NSMAF: variants seen among roughly 807,000 people sequenced by gnomAD.
The protein encoded by NSMAF is neutral sphingomyelinase activation associated factor.
In NSMAF, 90 loss-of-function variants were observed where a neutral mutation model predicts 134.9. The observed-to-expected ratio is 0.67, with a 90% CI of 0.56 to 0.79. NSMAF has a LOEUF of 0.79. Ranked by LOEUF, NSMAF falls within the 30% of genes least tolerant of loss-of-function variation. The pLI is 0.00. For missense variants in NSMAF, 1,010 were observed against 1,119.0 expected (o/e 0.90, Z 1.39); for synonymous variants, 358 against 389.6 (o/e 0.92, Z 0.96).
In NSMAF at chr8:58,587,581, A is replaced by G. The variant is rs1347467076; in HGVS notation, c.2295+37T>C. On this transcript the variant is annotated intron_variant, in intron 27 of 30. Coordinates refer to ENST00000038176, the MANE Select transcript of NSMAF (RefSeq NM_003580.4). ...TTCCAGCCGAACCCCTAGACTTTTA[A>G]GGTCAGTTTTCTGTACAGTTTGTTG... is the stretch of plus-strand genomic sequence containing the variant. 6 of 1,581,674 alleles carry G rather than the reference A, an allele frequency of 3.8e-6. No individual in the cohort carries two copies. In the Admixed American group the frequency reaches 1.0e-4, roughly 27 times the overall value.
Position 58,659,602 on chromosome 8 carries a change from C to A in NSMAF, c.30G>T (p.Glu10Asp). The A allele has an allele frequency of 6.7e-7, 1 of 1,497,130 alleles. No individual in the cohort carries two copies. The highest frequency in any genetic ancestry group is 8.9e-7 in the Non-Finnish European group (1 of 1,126,380). 92.7% of individuals were successfully genotyped at this position (1,497,130 alleles called of 1,614,324 possible). MAFIRKKQQ[E>D]QQLQLYSKER... is the part of the protein sequence containing the mutation. The stretch of plus-strand genomic sequence containing the variant: ...CCTTGGAGTAGAGCTGCAGCTGCTG[C>A]TCCTGCTGCTTCTTCCGGATAAACG... The change falls in exon 1 of 31, where the codon GAG (glutamate) becomes GAT (aspartate). Residue 10 changes from glutamate (E) to aspartate (D), a missense_variant. Transcript: ENST00000038176.
intron 6 of NSMAF, among the ~76,000 whole-genome samples, chr8:58,629,287 G>C (rs186855295): frequency 5.3e-5 from 8 of 152,170 alleles, no homozygotes; most frequent in Non-Finnish European, 1.2e-4. Flanking sequence ...CCAGTTTGCT[G>C]ATTTTTTCTT....
rs1451922975 is a variant in NSMAF at position 58,609,606 on chromosome 8, G to T, written c.685C>A (p.Pro229Thr). Residue 229 changes from proline (P) to threonine (T), a missense_variant and splice_region_variant, in exon 10 of 31, where the codon CCG becomes ACG. Physicochemically the swap from Pro to Thr is conservative, Grantham distance 38 (BLOSUM62 -1). Transcript: ENST00000038176. ...NLYFQPLNGY[P>T]KPVVQITLQD... ...ACCTGACCCTGTGGTCTACACACCG[G>T]GTAGCCGTTGAGGGGCTGAAAATAC... 2 of 1,613,970 alleles carry T rather than the reference G, an allele frequency of 1.2e-6. No homozygotes were observed. The highest frequency in any genetic ancestry group is 2.7e-5 in the African/African-American group (2 of 74,930).
chr8:58,656,088 G>A (rs1409834165), intron 1 of NSMAF, among the ~76,000 whole-genome samples: 1 of 151,572 alleles, frequency 6.6e-6, no homozygotes, highest in Non-Finnish European at 1.5e-5. Context: ...GCACCATCTC[G>A]GCTCACTACA....
intron 1 of NSMAF, among the ~76,000 whole-genome samples, chr8:58,647,437 C>G (rs920070949): frequency 3.3e-5 from 5 of 152,234 alleles, no homozygotes; most frequent in Non-Finnish European, 7.3e-5. Flanking sequence ...CAGTAATACA[C>G]TGGACAGTGA....
chr8:58,609,080 A>G (rs1352954654), intron 10 of NSMAF, among the ~76,000 whole-genome samples: 1 of 152,200 alleles, frequency 6.6e-6, no homozygotes, highest in African/African-American at 2.4e-5. Flanking sequence ...GCAGGAGCCC[A>G]TAACTGCCAG....
intron 1 of NSMAF, among the ~76,000 whole-genome samples, chr8:58,658,822 AT>A (rs1466030564): frequency 6.6e-6 from 1 of 152,184 alleles, no homozygotes; most frequent in African/African-American, 2.4e-5. Context: ...CTGTGAGACC[AT>A]TTTAGCTCAA....
intron 12 of NSMAF, 46 bp downstream of exon 12, chr8:58,605,880 CA>C (rs371910886): frequency 0.15 from 164,764 of 1,104,888 alleles, no homozygotes; most frequent in East Asian, 0.18. Flanking sequence ...ACTCAGCCTC[CA>C]AAAAAAAAAA....
intron 1 of NSMAF, among the ~76,000 whole-genome samples, chr8:58,650,295 C>T (rs2129148408): frequency 6.6e-6 from 1 of 152,252 alleles, no homozygotes; most frequent in Admixed American, 6.5e-5. Flanking sequence ...TTTTTTTAAT[C>T]TGTACCATTT....
chr8:58,607,021 T>C (rs906295808), intron 11 of NSMAF, among the ~76,000 whole-genome samples: 1 of 152,234 alleles, frequency 6.6e-6, no homozygotes, highest in Non-Finnish European at 1.5e-5. Context: ...AATGGAGGAA[T>C]GGCCTTTTAA....
intron 22 of NSMAF, chr8:58,594,504 C>A: frequency 3.5e-6 from 2 of 563,754 alleles, no homozygotes; most frequent in Non-Finnish European, 6.3e-6. Context: ...AACATCCCCA[C>A]TCTTTGCTTC....
chr8:58,594,251 TGAA>T lies in NSMAF; in HGVS notation c.1929_1931del (p.Ser644del). ...ACTGACCTTGGGATGTTGTGAATAC[TGAA>T]GATCCATTGCGAGAGACCGTGATTC... On this transcript the variant is annotated inframe_deletion, in exon 23 of 31. Coordinates refer to ENST00000038176, the MANE Select transcript of NSMAF (RefSeq NM_003580.4). 1 of 1,614,208 alleles carries T rather than the reference TGAA, an allele frequency of 6.2e-7. No homozygotes were observed. The highest frequency in any genetic ancestry group is 8.5e-7 in the Non-Finnish European group (1 of 1,180,020).
chr8:58,626,438 C>T (rs766675197), intron 6 of NSMAF, among the ~76,000 whole-genome samples: 3 of 152,138 alleles, frequency 2.0e-5, no homozygotes, highest in Non-Finnish European at 4.4e-5. Flanking sequence ...ATCTTAGCTC[C>T]CACTTATAAG....
At position 58,643,085 on chromosome 8, in the gene NSMAF, G is replaced by A. The variant is rs374972079; in HGVS notation, c.60-12C>T. ...GCAGCAAGGAAAATCTGGATTTGGGGCGAAAAAACAACTTTCAGTTTATTT... is the reference window on the plus strand; with the variant it reads ...GCAGCAAGGAAAATCTGGATTTGGGACGAAAAAACAACTTTCAGTTTATTT... On this transcript the variant is annotated splice_polypyrimidine_tract_variant and intron_variant, in intron 1 of 30. Transcript: ENST00000038176. 202 of 1,603,800 alleles carry A rather than the reference G, an allele frequency of 1.3e-4. No homozygotes were observed. The African/African-American group carries it at 2.2e-3, about 17-fold the overall frequency.
chr8:58,648,435 A>G (rs1807511023), intron 1 of NSMAF, among the ~76,000 whole-genome samples: 1 of 152,240 alleles, frequency 6.6e-6, no homozygotes, highest in South Asian at 2.1e-4. Flanking sequence ...CAAGCCGGCT[A>G]TGGAGTAAGC....
intron 12 of NSMAF, among the ~76,000 whole-genome samples, chr8:58,605,641 TTCTTC>T (rs1806387967): frequency 6.6e-6 from 1 of 152,114 alleles, no homozygotes; most frequent in Non-Finnish European, 1.5e-5. Context: ...AATAGCATTT[TTCTTC>T]TCTTATTTCC....
rs1225264071 is a variant in NSMAF at position 58,626,091 on chromosome 8, C to CTTT, written c.385-2314_385-2312dup. ...AGCCCCCAAAGTCCATTATATAATT[C>CTTT]TTTTTTTTTTTTTTTTTTTTTGAGA... On this transcript the variant is annotated intron_variant, in intron 6 of 30. Coordinates refer to ENST00000038176, the MANE Select transcript of NSMAF (RefSeq NM_003580.4). 2.6e-3 allele frequency among the ~76,000 whole-genome samples: 260 copies of CTTT among 99,368 alleles called. 6 individuals carry two copies. The highest frequency in any genetic ancestry group is 3.6e-3 in the Non-Finnish European group (189 of 52,336). 65.2% of individuals were successfully genotyped at this position (99,368 alleles called of 152,430 possible).
At chr8:58,589,889 C>A in intron 25 of NSMAF, 118 bp downstream of exon 25, 1 of 778,964 alleles carries the variant, frequency 1.3e-6, no homozygotes, top group Admixed American at 2.6e-5. Flanking sequence ...AATATCTGTT[C>A]CCTTTAGAAA....
chr8:58,600,252 C>T (rs1272857291), intron 16 of NSMAF: 6 of 540,236 alleles, frequency 1.1e-5, no homozygotes, highest in East Asian at 6.1e-5. Flanking sequence ...GCATAGAGTC[C>T]GAGTCCACAC....
Sources: allele counts gnomAD v4.1 joint callset (sites outside exome capture counted in the v4.1 genomes callset), GRCh38; gene constraint gnomAD v4.1.1; transcripts MANE v1.5; gene names NCBI Gene and HGNC (gene_info 2026-07-23, HGNC 2026-07-21).